The following EXOC3 variants were observed in gnomAD, a reference collection of about 807,000 sequenced individuals.
The protein encoded by EXOC3 is exocyst complex component 3, also known as SEC6-like 1.
In EXOC3, 21 loss-of-function variants were observed where a neutral mutation model predicts 73.7. The observed-to-expected ratio is 0.29, with a 90% CI of 0.20 to 0.41. EXOC3 has a LOEUF of 0.41. Among genes scored for constraint, EXOC3 ranks in the 10% least tolerant of loss-of-function variants. The probability of loss-of-function intolerance (pLI) is 1.00; values close to 1 mark genes in which losing one functional copy is unlikely to be tolerated. For missense variants in EXOC3, 842 were observed against 985.1 expected (o/e 0.85, Z 1.95); for synonymous variants, 410 against 389.1 (o/e 1.05, Z -0.63).
rs536260394 is a variant in EXOC3 at position 460,504 on chromosome 5, G to A, written c.1391+1045G>A. ...TCAGAGTTCCCATTTGCCATCCATC[G>A]ATAGGGGTAATGCCCAAGTCCCCAC... On this transcript the variant is annotated intron_variant, in intron 7 of 12. Coordinates refer to ENST00000512944, the MANE Select transcript of EXOC3 (RefSeq NM_007277.5). 9.8e-5 allele frequency among the ~76,000 whole-genome samples: 15 copies of A among 152,320 alleles called. 2 individuals carry two copies. The South Asian group carries it at 2.5e-3, about 25-fold the overall frequency.
At chr5:446,378 C>G in intron 2 of EXOC3, 29 bp downstream of exon 2, 1 of 1,540,774 alleles carries the variant, frequency 6.5e-7, no homozygotes, top group Non-Finnish European at 8.7e-7. Flanking sequence ...CTCCCAGGAT[C>G]TGTCTTGGGC....
chr5:448,694 C>T (rs111437963), intron 3 of EXOC3, among the ~76,000 whole-genome samples: 13 of 152,326 alleles, frequency 8.5e-5, no homozygotes, highest in African/African-American at 3.1e-4. Flanking sequence ...TGGCGCGGTT[C>T]TCCCCAGCTG....
chr5:457,112 T>G, intron 5 of EXOC3, 106 bp downstream of exon 5: 2 of 760,132 alleles, frequency 2.6e-6, no homozygotes, highest in Non-Finnish European at 4.5e-6. Context: ...AGCGTTGACT[T>G]CCTAGGATGC....
intron 10 of EXOC3, 101 bp downstream of exon 10, chr5:464,513 G>A (rs1393810318): frequency 3.8e-6 from 5 of 1,318,152 alleles, no homozygotes; most frequent in South Asian, 3.6e-5. Flanking sequence ...GTGAGTGAAC[G>A]TTCACTTGTT....
chr5:463,502 G>T (rs1738047473), intron 9 of EXOC3, among the ~76,000 whole-genome samples: 1 of 152,220 alleles, frequency 6.6e-6, no homozygotes, highest in Non-Finnish European at 1.5e-5. Context: ...CGTGGATGCT[G>T]TTCAGGCTTG....
chr5:454,888 T>TTTTA (rs60223149), intron 4 of EXOC3, among the ~76,000 whole-genome samples: 1 of 150,954 alleles, frequency 6.6e-6, no homozygotes, highest in Non-Finnish European at 1.5e-5. Context: ...TTTTTTTTTT[T>TTTTA]AGCAGTAAGG....
chr5:465,697 C>G, intron 11 of EXOC3, 21 bp from the exon 12 acceptor site: 1 of 1,613,524 alleles, frequency 6.2e-7, no homozygotes, highest in African/African-American at 1.3e-5. Flanking sequence ...GGCGGCTCCT[C>G]ACATTGCTGC....
In EXOC3 at chr5:443,232, C is replaced by CGGCGGAGGGGGCGGCGGG. The variant is rs1553990999; in HGVS notation, c.-110_-109insAGGGGGCGGCGGGGGCGG. The CGGCGGAGGGGGCGGCGGG allele has an allele frequency of 4.5e-4, 1 of 2,210 alleles. No individual in the cohort carries two copies. The highest frequency in any genetic ancestry group is 8.5e-3 in the African/African-American group (1 of 118). 0.1% of individuals were successfully genotyped at this position (2,210 alleles called of 1,614,324 possible). Reference sequence around the variant, plus strand: ...GCGAAGGCGGAGGGGGCGGCGGGGGCGGCGGCGGCGGCGGCGGCGGCGGCG... The same window carrying CGGCGGAGGGGGCGGCGGG: ...GCGAAGGCGGAGGGGGCGGCGGGGGCGGCGGAGGGGGCGGCGGGGGCGGCGGCGGCGGCGGCGGCGGCG... On this transcript the variant is annotated 5_prime_UTR_variant, in exon 1 of 13. Coordinates refer to ENST00000512944, the MANE Select transcript of EXOC3 (RefSeq NM_007277.5).
chr5:454,189 C>T, intron 4 of EXOC3, 138 bp downstream of exon 4: 1 of 677,378 alleles, frequency 1.5e-6, no homozygotes, highest in South Asian at 2.0e-5. Context: ...GGTTTCCAGC[C>T]CAGGGGTGTC....
In EXOC3 at chr5:443,239, GGCGGCGGCGGCGGCGGCGGCGGCGGCGGC is replaced by G; in HGVS notation, c.-106_-78del. On this transcript the variant is annotated 5_prime_UTR_variant, in exon 1 of 13. Transcript: ENST00000512944. Reference sequence around the variant, plus strand: ...CGGAGGGGGCGGCGGGGGCGGCGGCGGCGGCGGCGGCGGCGGCGGCGGCGGCGGCGGCGGCGGCGTAGCCGTAGAGGGTG... The same window carrying G: ...CGGAGGGGGCGGCGGGGGCGGCGGCGGGCGGCGGCGTAGCCGTAGAGGGTG... 1 of 5,888 alleles carries G rather than the reference GGCGGCGGCGGCGGCGGCGGCGGCGGCGGC, an allele frequency of 1.7e-4. No individual in the cohort carries two copies. Among genetic ancestry groups the G allele is most frequent in the Non-Finnish European group, 4.6e-4 (1 of 2,164 alleles). 0.4% of individuals were successfully genotyped at this position (5,888 alleles called of 1,614,324 possible).
chr5:459,183 T>TG (rs1737908961), intron 6 of EXOC3, among the ~76,000 whole-genome samples, 176 bp from the exon 7 acceptor site: 2 of 149,890 alleles, frequency 1.3e-5, no homozygotes, highest in South Asian at 4.2e-4. Context: ...GAAAGTTGTT[T>TG]TTTTTTTTTT....
chr5:465,694 C>T (rs1167908065), intron 11 of EXOC3, 24 bp from the exon 12 acceptor site: 21 of 1,613,410 alleles, frequency 1.3e-5, no homozygotes, highest in Non-Finnish European at 1.7e-5. Flanking sequence ...GAGGGCGGCT[C>T]CTCACATTGC....
intron 4 of EXOC3, among the ~76,000 whole-genome samples, chr5:454,805 C>T (rs1737756245): frequency 7.0e-6 from 1 of 142,188 alleles, no homozygotes; most frequent in Non-Finnish European, 1.5e-5. Flanking sequence ...ATTGGAATTT[C>T]TTCTTCTTCT....
At chr5:452,455 C>A (rs56073043) in intron 3 of EXOC3, among the ~76,000 whole-genome samples, 4 of 151,632 alleles carry the variant, frequency 2.6e-5, no homozygotes, top group Non-Finnish European at 2.9e-5. Context: ...TCTTTAAGTT[C>A]CTTAGGCATC....
At position 447,503 on chromosome 5, in the gene EXOC3, T is replaced by C. The variant is rs1158735790; in HGVS notation, c.145-30T>C. On this transcript the variant is annotated intron_variant, in intron 2 of 12. Transcript: ENST00000512944. ...GAGGCAGCGCATGGCTATCATTGGC[T>C]CTGCTCACCCGTGTGGCGTCTCTCT... 4 of 1,478,370 alleles carry C rather than the reference T, an allele frequency of 2.7e-6. No individual in the cohort carries two copies. In the South Asian group the frequency reaches 3.9e-5, roughly 14 times the overall value. The allele number at this position is 1,478,370 out of a possible 1,614,324, so 91.6% of individuals were successfully genotyped here.
chr5:449,410 T>C (rs1214062329), intron 3 of EXOC3, among the ~76,000 whole-genome samples: 2 of 152,224 alleles, frequency 1.3e-5, no homozygotes, highest in African/African-American at 4.8e-5. Flanking sequence ...ACTCTTTTCA[T>C]CTTGCAGACA....
At chr5:464,551 G>T (rs977194276) in intron 10 of EXOC3, 139 bp downstream of exon 10, 18 of 918,786 alleles carry the variant, frequency 2.0e-5, no homozygotes, top group Non-Finnish European at 3.0e-5. Context: ...GAGGCAATAG[G>T]CTCTGCGGAC....
chr5:460,899 C>T (rs1305833461), intron 7 of EXOC3, among the ~76,000 whole-genome samples: 1 of 152,238 alleles, frequency 6.6e-6, no homozygotes, highest in Non-Finnish European at 1.5e-5. Flanking sequence ...CCTTTAATTG[C>T]CAGCTTTCAG....
At chr5:458,151 CTGCCTGG>C (rs1018475542) in intron 6 of EXOC3, 126 bp downstream of exon 6, 9 of 971,670 alleles carry the variant, frequency 9.3e-6, no homozygotes, top group Non-Finnish European at 1.3e-5. Flanking sequence ...ATTGAGAGCC[CTGCCTGG>C]TGCATCTAAG....
Sources: gnomAD v4.1 joint callset for allele counts (sites outside exome capture counted in the v4.1 genomes callset) on GRCh38, gnomAD v4.1.1 for gene constraint, MANE v1.5 for transcripts, NCBI Gene and HGNC (gene_info 2026-07-23, HGNC 2026-07-21) for gene names.